Variants in SPATA6L observed in about 807,000 individuals in gnomAD.
SPATA6L encodes the protein spermatogenesis associated 6-like protein.
In SPATA6L, 68 loss-of-function variants were observed where a neutral mutation model predicts 49.2. That is an observed-to-expected ratio of 1.38 (90% CI 1.14 to 1.69). SPATA6L has a LOEUF of 1.69. SPATA6L is among the 40% of genes most tolerant of loss of function. The probability of loss-of-function intolerance (pLI) is 0.00; values close to 1 mark genes in which losing one functional copy is unlikely to be tolerated. For missense variants in SPATA6L, 668 were observed against 464.3 expected (o/e 1.44, Z -4.03); for synonymous variants, 198 against 165.7 (o/e 1.19, Z -1.50).
downstream of SPATA6L, among the ~76,000 whole-genome samples, chr9:4,593,788 C>A (rs989614010): frequency 2.6e-5 from 4 of 152,140 alleles, no homozygotes; most frequent in Admixed American, 1.3e-4. Flanking sequence ...CAGATTCTGC[C>A]CCGCCTGACC....
At chr9:4,606,357 A>C (rs1361109380) in intron 9 of SPATA6L, among the ~76,000 whole-genome samples, 1 of 137,198 alleles carries the variant, frequency 7.3e-6, no homozygotes, top group Non-Finnish European at 1.5e-5. Flanking sequence ...GCACAGACAA[A>C]CAAAAAGACA....
intron 13 of SPATA6L, among the ~76,000 whole-genome samples, chr9:4,591,143 G>A (rs145926233): frequency 6.6e-6 from 1 of 152,232 alleles, no homozygotes; most frequent in East Asian, 1.9e-4. Context: ...AATGACTTTG[G>A]TCATCCTGGA....
rs1444166592 is a variant in SPATA6L at position 4,600,195 on chromosome 9, C to G, written c.*616G>C. ...GAAACAGAAGGAGCAGTTTAAACTA[C>G]GCTCCAGAGGAGCCAGCCTCCTCTT... On this transcript the variant is annotated 3_prime_UTR_variant, in exon 12 of 12. Transcript: ENST00000682582. 6.6e-6 allele frequency among the ~76,000 whole-genome samples: 1 copy of G among 152,202 alleles called. No individual in the cohort carries two copies.
chr9:4,597,910 A>G (rs551863022), downstream of SPATA6L, among the ~76,000 whole-genome samples: 8 of 152,302 alleles, frequency 5.3e-5, no homozygotes, highest in African/African-American at 1.7e-4. Flanking sequence ...CCTTTGATGG[A>G]CCAACTCAGG....
At chr9:4,653,426 C>A (rs1261164853) in intron 3 of SPATA6L, among the ~76,000 whole-genome samples, 3 of 152,142 alleles carry the variant, frequency 2.0e-5, no homozygotes, top group Non-Finnish European at 4.4e-5. Flanking sequence ...AGATGTAAGT[C>A]TTCATGACCT....
At chr9:4,617,633 C>A (rs147003079) in intron 9 of SPATA6L, 57 of 271,138 alleles carry the variant, frequency 2.1e-4, no homozygotes, top group Middle Eastern at 2.1e-3. Context: ...CTGTGGTGAA[C>A]ATTTTTATAC....
chr9:4,614,198 A>T (rs1333407171), intron 9 of SPATA6L, among the ~76,000 whole-genome samples: 1 of 152,178 alleles, frequency 6.6e-6, no homozygotes, highest in African/African-American at 2.4e-5. Flanking sequence ...GACGCTATTC[A>T]GATGGTGGAT....
At chr9:4,627,044 C>T (rs1400164974) in intron 5 of SPATA6L, 1 of 151,264 alleles carries the variant, frequency 6.6e-6, no homozygotes, top group Non-Finnish European at 1.5e-5. Context: ...AATTTTCTAA[C>T]ATAAAGTGAT....
intron 5 of SPATA6L, chr9:4,628,772 C>A: frequency 4.9e-6 from 1 of 202,138 alleles, no homozygotes; most frequent in East Asian, 1.4e-4. Context: ...AACTGTTGTT[C>A]ATAAGATCAC....
At chr9:4,596,129 G>A (rs546387164), downstream of SPATA6L, among the ~76,000 whole-genome samples, 10 of 152,276 alleles carry the variant, frequency 6.6e-5, no homozygotes, top group East Asian at 3.9e-4. Context: ...GAAATATCTC[G>A]TTTAAGGTCT....
Position 4,624,584 on chromosome 9 carries a change from C to T in SPATA6L, c.669+743G>A, listed in dbSNP as rs1411772098. On this transcript the variant is annotated intron_variant, in intron 6 of 11. Transcript: ENST00000682582. The stretch of plus-strand genomic sequence containing the variant: ...CTTTCCTAAAAGTACAAAAATTAGA[C>T]GGGTGTGGTGGTGGGCACCTGTAAT... Among the ~76,000 whole-genome samples, 9 of 152,102 alleles carry T rather than the reference C, an allele frequency of 5.9e-5. No individual in the cohort carries two copies. The South Asian group carries it at 6.2e-4, about 11-fold the overall frequency.
intron 11 of SPATA6L, among the ~76,000 whole-genome samples, 165 bp from the exon 12 acceptor site, chr9:4,600,974 G>T (rs1823093094): frequency 6.6e-6 from 1 of 152,202 alleles, no homozygotes; most frequent in Non-Finnish European, 1.5e-5. Flanking sequence ...TCCCACAACA[G>T]AATAACCCAG....
rs1406296516 is a variant in SPATA6L at position 4,662,378 on chromosome 9, G to A, written c.40-342C>T. The A allele has an allele frequency of 6.6e-7, 1 of 1,514,366 alleles. No individual in the cohort carries two copies. The highest frequency in any genetic ancestry group is 8.8e-7 in the Non-Finnish European group (1 of 1,139,138). 93.8% of individuals were successfully genotyped at this position (1,514,366 alleles called of 1,614,324 possible). A position where few individuals can be genotyped will look rare whatever the true frequency, so the allele number is the denominator to read the frequency against. On this transcript the variant is annotated intron_variant, in intron 1 of 11. Transcript: ENST00000682582. This position sits in a 1 kb window ranked among gnomAD's most constrained non-coding sequence, Gnocchi z 4.9. The stretch of plus-strand genomic sequence containing the variant: ...CGGGATCCGGGCCGCCAGCTGCGAT[G>A]CCAAGTCCCCGGAGGAGCATGGAGG...
In SPATA6L at chr9:4,618,784, C is replaced by T. The variant is rs568837140; in HGVS notation, c.807+80G>A. On this transcript the variant is annotated intron_variant, in intron 8 of 11. Transcript: ENST00000682582. ...TAAGCAGACTAACTAGAAATATCCA[C>T]CACTGATTGGAAAAAGCACAATAAT... 5.5e-5 allele frequency: 72 copies of T among 1,305,618 alleles called. No individual in the cohort carries two copies. In the East Asian group the frequency reaches 1.2e-3, roughly 23 times the overall value. 80.9% of individuals were successfully genotyped at this position (1,305,618 alleles called of 1,614,324 possible).
At chr9:4,622,974 T>C (rs1289342251) in intron 6 of SPATA6L, among the ~76,000 whole-genome samples, 2 of 138,556 alleles carry the variant, frequency 1.4e-5, no homozygotes, top group African/African-American at 6.4e-5. Flanking sequence ...ATCTACATTT[T>C]TGAAAAAAGA....
intron 2 of SPATA6L, among the ~76,000 whole-genome samples, chr9:4,656,485 G>T (rs1215625510): frequency 6.8e-6 from 1 of 147,960 alleles, no homozygotes. Flanking sequence ...AGGAAGGAAG[G>T]AAGGAAGGAA....
At chr9:4,615,001 C>G (rs766141948) in intron 9 of SPATA6L, among the ~76,000 whole-genome samples, 1 of 152,184 alleles carries the variant, frequency 6.6e-6, no homozygotes, top group Non-Finnish European at 1.5e-5. Context: ...ACAAAGGTCC[C>G]CCTCAAACCT....
At chr9:4,597,010 T>C (rs889975337), downstream of SPATA6L, among the ~76,000 whole-genome samples, 3 of 152,212 alleles carry the variant, frequency 2.0e-5, no homozygotes, top group Non-Finnish European at 4.4e-5. Flanking sequence ...ACTGATTTAA[T>C]GTACTTTAAA....
rs573883233 is a variant in SPATA6L at position 4,619,892 on chromosome 9, G to T, written c.773-994C>A. Reference sequence around the variant, plus strand: ...GTGAAGACTAGGTTGGATTTTTCCAGGTTGATTAAAAAATGTTTTTAAAAT... The same window carrying T: ...GTGAAGACTAGGTTGGATTTTTCCATGTTGATTAAAAAATGTTTTTAAAAT... On this transcript the variant is annotated intron_variant, in intron 7 of 11. Transcript: ENST00000682582. Among the ~76,000 whole-genome samples, 10 of 152,232 alleles carry T rather than the reference G, an allele frequency of 6.6e-5. No homozygotes were observed. The South Asian group carries it at 2.1e-3, about 32-fold the overall frequency.
Sources: gnomAD v4.1 joint callset for allele counts (sites outside exome capture counted in the v4.1 genomes callset) on GRCh38, gnomAD v4.1.1 for gene constraint, Gnocchi (gnomAD v3.1) non-coding constraint, MANE v1.5 for transcripts, NCBI Gene and HGNC (gene_info 2026-07-23, HGNC 2026-07-21) for gene names.